CCDC92B: variants seen among roughly 807,000 people sequenced by gnomAD.
CCDC92B encodes the protein coiled-coil domain-containing 92B.
A neutral mutation model predicts 5.6 loss-of-function variants in CCDC92B; 2 were observed. The ratio of observed to expected loss-of-function variants is 0.36; its 90% CI spans 0.15 to 1.12. The LOEUF (loss-of-function observed/expected upper bound fraction) is 1.12, where lower values mean the gene tolerates loss of function less well. CCDC92B is among the 50% of genes most tolerant of loss of function. The pLI, the probability that CCDC92B is intolerant of heterozygous loss-of-function variation, is 0.40. For synonymous variants in CCDC92B, 115 were observed against 122.3 expected (o/e 0.94, Z 0.39); for missense variants, 271 against 262.2 (o/e 1.03, Z -0.23).
At position 2,724,016 on chromosome 17, in the gene CCDC92B, C is replaced by T. The variant is rs2151735632; in HGVS notation, c.*395G>A. 1.0e-6 allele frequency: 1 copy of T among 983,988 alleles called. No individual in the cohort carries two copies. Among genetic ancestry groups the T allele is most frequent in the Non-Finnish European group, 1.2e-6 (1 of 828,928 alleles). The allele number at this position is 983,988 out of a possible 1,614,324, so 61.0% of individuals were successfully genotyped here. ...AGCTAGAGGGCCTGGGGCGCCAATG[C>T]CACTCTGCGTCCCTTTCCGTAGGCG... On this transcript the variant is annotated 3_prime_UTR_variant, in exon 4 of 4. Transcript: ENST00000614400. This position sits in a 1 kb window ranked among gnomAD's most constrained non-coding sequence, Gnocchi z 5.0.
At chr17:2,734,536 C>T (rs1340399891) in intron 2 of CCDC92B, among the ~76,000 whole-genome samples, 1 of 150,198 alleles carries the variant, frequency 6.7e-6, no homozygotes, top group Non-Finnish European at 1.5e-5. Context: ...GTCATCTAGG[C>T]TGGAGTGCAG....
intron 1 of CCDC92B, among the ~76,000 whole-genome samples, chr17:2,742,438 GAGTGGTCCT>G (rs1203632557): frequency 6.6e-6 from 1 of 152,146 alleles, no homozygotes; most frequent in Admixed American, 6.6e-5. Flanking sequence ...TGAAGGCGGA[GAGTGGTCCT>G]AGGTGTATTT....
intron 1 of CCDC92B, among the ~76,000 whole-genome samples, chr17:2,744,815 C>T (rs1405524787): frequency 6.6e-6 from 1 of 152,064 alleles, no homozygotes; most frequent in Non-Finnish European, 1.5e-5. Context: ...AATCCCAGAA[C>T]TTTGGGAGAC....
At chr17:2,731,780 C>T (rs1344923008) in intron 2 of CCDC92B, among the ~76,000 whole-genome samples, 1 of 152,228 alleles carries the variant, frequency 6.6e-6, no homozygotes, top group African/African-American at 2.4e-5. Context: ...ACTGGCCCCT[C>T]CTTCAAGGCC....
chr17:2,723,957 G>A lies in CCDC92B; in HGVS notation c.*454C>T, dbSNP rs962318646. 55 of 980,150 alleles carry A rather than the reference G, an allele frequency of 5.6e-5. No individual in the cohort carries two copies. The African/African-American group carries it at 9.0e-4, about 16-fold the overall frequency. 60.7% of individuals were successfully genotyped at this position (980,150 alleles called of 1,614,324 possible). On this transcript the variant is annotated 3_prime_UTR_variant, in exon 4 of 4. Transcript: ENST00000614400. Reference sequence around the variant, plus strand: ...AGGAAGAAGGCTTGGCGGGAAGGGCGTCGGCGCGGGGGTGGGGGAGGCGGG... The same window carrying A: ...AGGAAGAAGGCTTGGCGGGAAGGGCATCGGCGCGGGGGTGGGGGAGGCGGG...
rs1217050426 is a variant in CCDC92B, at chr17:2,724,004, G to A, written c.*407C>T. 2.0e-6 allele frequency: 2 copies of A among 981,900 alleles called. No individual in the cohort carries two copies. Among genetic ancestry groups the A allele is most frequent in the South Asian group, 9.4e-5 (2 of 21,224 alleles). The allele number at this position is 981,900 out of a possible 1,614,324, so 60.8% of individuals were successfully genotyped here. ...CGGGGGGTGGGGAGCTAGAGGGCCT[G>A]GGGCGCCAATGCCACTCTGCGTCCC... is the stretch of plus-strand genomic sequence containing the variant. On this transcript the variant is annotated 3_prime_UTR_variant, in exon 4 of 4. Transcript: ENST00000614400. The surrounding 1 kb of genome is among the most constrained non-coding windows in gnomAD (Gnocchi z 5.0).
intron 1 of CCDC92B, among the ~76,000 whole-genome samples, chr17:2,735,492 A>C (rs565845083): frequency 1.5e-4 from 23 of 152,150 alleles, no homozygotes. Flanking sequence ...GTGCAGTGGC[A>C]CGATCTTGGC....
Position 2,723,369 on chromosome 17 carries a change from T to C in CCDC92B, c.*1042A>G, listed in dbSNP as rs2070680456. 1 of 152,264 alleles carries C rather than the reference T, an allele frequency of 6.6e-6. No individual in the cohort carries two copies. The allele number at this position is 152,264 out of a possible 1,614,324, so 9.4% of individuals were successfully genotyped here. On this transcript the variant is annotated 3_prime_UTR_variant, in exon 4 of 4. Coordinates refer to ENST00000614400, the MANE Select transcript of CCDC92B (RefSeq NM_001355573.2). Reference sequence around the variant, plus strand: ...CACGCCCGGCTAATTTTTGTATTTTTTAGTAGAGACGGGGTTTCACCACGT... The same window carrying C: ...CACGCCCGGCTAATTTTTGTATTTTCTAGTAGAGACGGGGTTTCACCACGT...
intron 2 of CCDC92B, among the ~76,000 whole-genome samples, chr17:2,732,063 G>A (rs9897917): frequency 2.0e-5 from 3 of 152,172 alleles, no homozygotes; most frequent in African/African-American, 7.2e-5. Context: ...AGAGGCTGTC[G>A]CCAGGATTAA....
intron 2 of CCDC92B, among the ~76,000 whole-genome samples, chr17:2,730,852 A>G (rs2070786662): frequency 6.6e-6 from 1 of 152,122 alleles, no homozygotes; most frequent in Non-Finnish European, 1.5e-5. Context: ...GTGATATGCC[A>G]GCCAGTCAAA....
intron 1 of CCDC92B, among the ~76,000 whole-genome samples, chr17:2,739,565 C>T (rs2070903163): frequency 6.6e-6 from 1 of 151,610 alleles, no homozygotes; most frequent in African/African-American, 2.4e-5. Flanking sequence ...GCCTGTAGTC[C>T]CAGCTACTGA....
In CCDC92B at chr17:2,724,403, C is replaced by G. The variant is rs1225250006; in HGVS notation, c.*8G>C. On this transcript the variant is annotated 3_prime_UTR_variant, in exon 4 of 4. Coordinates refer to ENST00000614400, the MANE Select transcript of CCDC92B (RefSeq NM_001355573.2). This position sits in a 1 kb window ranked among gnomAD's most constrained non-coding sequence, Gnocchi z 5.0. Reference sequence around the variant, plus strand: ...GTCCGTCCCGCGTCACCCCGGCCAGCCTGGCGCCTACTCCGGGTCCCCGGG... The same window carrying G: ...GTCCGTCCCGCGTCACCCCGGCCAGGCTGGCGCCTACTCCGGGTCCCCGGG... 2.9e-5 allele frequency: 29 copies of G among 984,828 alleles called. No individual in the cohort carries two copies. Among genetic ancestry groups the G allele is most frequent in the African/African-American group, 7.0e-5 (4 of 57,166 alleles). The allele number at this position is 984,828 out of a possible 1,614,324, so 61.0% of individuals were successfully genotyped here. A position where few individuals can be genotyped will look rare whatever the true frequency, so the allele number is the denominator to read the frequency against.
Position 2,723,969 on chromosome 17 carries a change from G to A in CCDC92B, c.*442C>T, listed in dbSNP as rs1185592820. The A allele has an allele frequency of 8.4e-5, 81 of 969,886 alleles. No individual in the cohort carries two copies. The highest frequency in any genetic ancestry group is 9.2e-5 in the Non-Finnish European group (75 of 816,786). The allele number at this position is 969,886 out of a possible 1,614,324, so 60.1% of individuals were successfully genotyped here. A position where few individuals can be genotyped will look rare whatever the true frequency, so the allele number is the denominator to read the frequency against. Reference sequence around the variant, plus strand: ...TGGCGGGAAGGGCGTCGGCGCGGGGGTGGGGGAGGCGGGGGGTGGGGAGCT... The same window carrying A: ...TGGCGGGAAGGGCGTCGGCGCGGGGATGGGGGAGGCGGGGGGTGGGGAGCT... On this transcript the variant is annotated 3_prime_UTR_variant, in exon 4 of 4. Transcript: ENST00000614400.
chr17:2,724,106 C>G lies in CCDC92B; in HGVS notation c.*305G>C. 1.0e-6 allele frequency: 1 copy of G among 985,354 alleles called. No homozygotes were observed. The highest frequency in any genetic ancestry group is 1.2e-6 in the Non-Finnish European group (1 of 829,870). 61.0% of individuals were successfully genotyped at this position (985,354 alleles called of 1,614,324 possible). On this transcript the variant is annotated 3_prime_UTR_variant, in exon 4 of 4. Transcript: ENST00000614400. This position sits in a 1 kb window ranked among gnomAD's most constrained non-coding sequence, Gnocchi z 5.0. ...CCCGGGGAAGGGCGTGGCCCCCGCC[C>G]CTCCTGTCTCACAGGCAGGTGGGAC...
intron 1 of CCDC92B, among the ~76,000 whole-genome samples, chr17:2,741,712 C>T (rs1259240015): frequency 6.7e-6 from 1 of 149,724 alleles, no homozygotes; most frequent in African/African-American, 2.5e-5. Context: ...CCTGCCTCAG[C>T]CTCCCGAGTA....
At chr17:2,737,678 A>G (rs561103096) in intron 1 of CCDC92B, among the ~76,000 whole-genome samples, 6 of 151,252 alleles carry the variant, frequency 4.0e-5, no homozygotes, top group Admixed American at 1.3e-4. Flanking sequence ...GGGTTTCACC[A>G]TGTTAGCCAG....
chr17:2,724,728 GTC>G lies in CCDC92B; in HGVS notation c.449_450del (p.Arg150ThrfsTer205). 1.0e-6 allele frequency: 1 copy of G among 981,370 alleles called. No homozygotes were observed. Among genetic ancestry groups the G allele is most frequent in the Non-Finnish European group, 1.2e-6 (1 of 828,474 alleles). The allele number at this position is 981,370 out of a possible 1,614,324, so 60.8% of individuals were successfully genotyped here. A position where few individuals can be genotyped will look rare whatever the true frequency, so the allele number is the denominator to read the frequency against. ...CCGGGGCCCGGGCGCGGGGCCTGCA[GTC>G]TCTGGCGCGCCGCGTGCAGCTGGCA... is the stretch of plus-strand genomic sequence containing the variant. ...LSCQLHAARQRLQAPRPGPGA... is the reference protein window; with the variant it reads ...LSCQLHAARQXLQAPRPGPGA... On this transcript the variant is annotated frameshift_variant, in exon 4 of 4. Coordinates refer to ENST00000614400, the MANE Select transcript of CCDC92B (RefSeq NM_001355573.2). LOFTEE classifies it low-confidence loss of function (END_TRUNC). This position sits in a 1 kb window ranked among gnomAD's most constrained non-coding sequence, Gnocchi z 5.0.
chr17:2,741,554 C>T lies in CCDC92B; in HGVS notation c.-23-6386G>A, dbSNP rs1027388268. ...ACTACCCAGGCGTTGAGGTGTCCAC[C>T]TGTAGTCCTAGCTACTTGGGAGGCC... On this transcript the variant is annotated intron_variant, in intron 1 of 3. Transcript: ENST00000614400. Among the ~76,000 whole-genome samples the T allele has an allele frequency of 5.8e-4, 87 of 151,010 alleles. 1 individual carries two copies. Among genetic ancestry groups the T allele is most frequent in the Non-Finnish European group, 2.4e-4 (16 of 67,892 alleles).
chr17:2,728,903 C>T (rs1165351641), intron 3 of CCDC92B, among the ~76,000 whole-genome samples: 1 of 152,186 alleles, frequency 6.6e-6, no homozygotes, highest in African/African-American at 2.4e-5. Flanking sequence ...TTCTAGGGTT[C>T]CTAACATCAT....
Sources: allele counts gnomAD v4.1 joint callset (sites outside exome capture counted in the v4.1 genomes callset), GRCh38; gene constraint gnomAD v4.1.1; non-coding constraint Gnocchi (gnomAD v3.1); transcripts MANE v1.5; gene names NCBI Gene and HGNC (gene_info 2026-07-23, HGNC 2026-07-21).